BNC2: variants seen among roughly 807,000 people sequenced by gnomAD.
BNC2 encodes the protein basonuclin zinc finger protein 2, also known as zinc finger protein basonuclin-2.
Under a neutral mutation model 76.3 loss-of-function variants are expected in BNC2, and 20 were observed. The ratio of observed to expected loss-of-function variants is 0.26; its 90% CI spans 0.18 to 0.38. The LOEUF (loss-of-function observed/expected upper bound fraction) is 0.38, where lower values mean the gene tolerates loss of function less well. Among genes scored for constraint, BNC2 ranks in the 10% least tolerant of loss-of-function variants. The pLI is 1.00. For synonymous variants in BNC2, 582 were observed against 514.8 expected (o/e 1.13, Z -1.77); for missense variants, 1,382 against 1,399.8 (o/e 0.99, Z 0.20).
intron 4 of BNC2, 63 bp from the exon 5 acceptor site, chr9:16,552,828 C>T (rs1168680098): frequency 7.4e-7 from 1 of 1,359,224 alleles, no homozygotes; most frequent in South Asian, 1.2e-5. Context: ...AGAGAGAGAA[C>T]AGGAGTTAGA....
intron 5 of BNC2, among the ~76,000 whole-genome samples, chr9:16,516,500 T>C (rs1261438409): frequency 1.3e-5 from 2 of 152,172 alleles, no homozygotes; most frequent in South Asian, 2.1e-4. Flanking sequence ...GTATCATCAA[T>C]GTCCAAATTA....
At chr9:16,429,119 T>C (rs1820857174) in intron 6 of BNC2, among the ~76,000 whole-genome samples, 1 of 152,210 alleles carries the variant, frequency 6.6e-6, no homozygotes, top group Non-Finnish European at 1.5e-5. Flanking sequence ...TGTGGGAGTC[T>C]TATGGCAAGC....
intron 3 of BNC2, among the ~76,000 whole-genome samples, chr9:16,696,457 G>C (rs1823340572): frequency 6.6e-6 from 1 of 152,088 alleles, no homozygotes; most frequent in Non-Finnish European, 1.5e-5. Context: ...CCTATTTCCT[G>C]ATGCCACTTC....
At chr9:16,569,942 C>T (rs912959444) in intron 4 of BNC2, among the ~76,000 whole-genome samples, 1 of 152,160 alleles carries the variant, frequency 6.6e-6, no homozygotes, top group Non-Finnish European at 1.5e-5. Flanking sequence ...GGATTTAATA[C>T]ACAGTACACT....
intron 1 of BNC2, among the ~76,000 whole-genome samples, chr9:16,749,449 A>G (rs1467229703): frequency 6.6e-6 from 1 of 152,108 alleles, no homozygotes; most frequent in Admixed American, 6.6e-5. Flanking sequence ...TAATCCCAGC[A>G]CCCTGGGAGA....
At chr9:16,461,615 T>A (rs1587055509) in intron 5 of BNC2, among the ~76,000 whole-genome samples, 1 of 150,406 alleles carries the variant, frequency 6.6e-6, no homozygotes, top group South Asian at 2.1e-4. Flanking sequence ...GCGGGGGGAG[T>A]TTGTAAGGAG....
chr9:16,485,964 A>G (rs1312339975), intron 5 of BNC2, among the ~76,000 whole-genome samples: 2 of 152,154 alleles, frequency 1.3e-5, no homozygotes, highest in Non-Finnish European at 2.9e-5. Context: ...AAAAGGAGGG[A>G]GTCAGTTACT....
chr9:16,794,926 T>C (rs942223385), intron 1 of BNC2, among the ~76,000 whole-genome samples: 18 of 152,118 alleles, frequency 1.2e-4, no homozygotes, highest in African/African-American at 4.3e-4. Flanking sequence ...GCAAGATATA[T>C]TCCTATATTT....
intron 4 of BNC2, among the ~76,000 whole-genome samples, chr9:16,564,965 G>A (rs1464092666): frequency 6.6e-6 from 1 of 151,974 alleles, no homozygotes; most frequent in Non-Finnish European, 1.5e-5. Flanking sequence ...GCTTCCGTAG[G>A]TCATCGTCAT....
intron 3 of BNC2, among the ~76,000 whole-genome samples, chr9:16,654,049 G>A: frequency 6.6e-6 from 1 of 152,162 alleles, no homozygotes; most frequent in Non-Finnish European, 1.5e-5. Flanking sequence ...TACAAGCGCA[G>A]TCTGCACAGA....
chr9:16,730,639 C>A (rs1824478550), intron 2 of BNC2, among the ~76,000 whole-genome samples: 1 of 152,094 alleles, frequency 6.6e-6, no homozygotes, highest in Non-Finnish European at 1.5e-5. Flanking sequence ...AGTCTTCTGA[C>A]AAAATGCTAC....
intron 1 of BNC2, among the ~76,000 whole-genome samples, chr9:16,821,717 G>C (rs891295369): frequency 6.6e-6 from 1 of 152,130 alleles, no homozygotes; most frequent in African/African-American, 2.4e-5. Flanking sequence ...GGGAGGCTGA[G>C]GCAGATGGAT....
intron 2 of BNC2, among the ~76,000 whole-genome samples, chr9:16,734,248 A>G (rs1027406059): frequency 6.6e-6 from 1 of 152,210 alleles, no homozygotes; most frequent in African/African-American, 2.4e-5. Flanking sequence ...TGAATGAACT[A>G]TACACCTATC....
At chr9:16,759,651 C>T (rs1019027059) in intron 1 of BNC2, among the ~76,000 whole-genome samples, 9 of 151,994 alleles carry the variant, frequency 5.9e-5, no homozygotes, top group African/African-American at 1.7e-4. Context: ...TCTGTGAAGG[C>T]ATTCTACAAT....
chr9:16,422,724 A>C (rs1185304528), intron 6 of BNC2, among the ~76,000 whole-genome samples: 1 of 152,212 alleles, frequency 6.6e-6, no homozygotes, highest in East Asian at 1.9e-4. Flanking sequence ...CACGAGAAGG[A>C]AAGCAGACTA....
chr9:16,569,427 C>T (rs1587183007), intron 4 of BNC2, among the ~76,000 whole-genome samples: 2 of 152,094 alleles, frequency 1.3e-5, no homozygotes, highest in Non-Finnish European at 2.9e-5. Context: ...CACATATAAA[C>T]ACCCACAATT....
intron 1 of BNC2, among the ~76,000 whole-genome samples, chr9:16,783,754 C>T (rs1210272231): frequency 6.6e-6 from 1 of 152,094 alleles, no homozygotes; most frequent in Non-Finnish European, 1.5e-5. Flanking sequence ...TCCATGCTGT[C>T]TAGAAATATT....
chr9:16,465,606 G>A (rs946037623), intron 5 of BNC2, among the ~76,000 whole-genome samples: 6 of 151,862 alleles, frequency 4.0e-5, no homozygotes, highest in Non-Finnish European at 7.4e-5. Context: ...TTACATACAC[G>A]TACTTACAAT....
At chr9:16,577,544 A>G (rs1819520285) in intron 4 of BNC2, among the ~76,000 whole-genome samples, 1 of 152,170 alleles carries the variant, frequency 6.6e-6, no homozygotes, top group African/African-American at 2.4e-5. Flanking sequence ...TTTAATAAAT[A>G]TCTACTGACT....
Sources: allele counts gnomAD v4.1 joint callset (sites outside exome capture counted in the v4.1 genomes callset), GRCh38; gene constraint gnomAD v4.1.1; transcripts MANE v1.5; gene names NCBI Gene and HGNC (gene_info 2026-07-23, HGNC 2026-07-21).